The following NDUFV1 variants were observed in gnomAD, a reference collection of about 807,000 sequenced individuals.
NDUFV1 encodes the protein NADH:ubiquinone oxidoreductase core subunit V1, also known as NADH dehydrogenase [ubiquinone] flavoprotein 1, mitochondrial.
In NDUFV1, 41 loss-of-function variants were observed where a neutral mutation model predicts 48.7. That is an observed-to-expected ratio of 0.84 (90% CI 0.66 to 1.09). NDUFV1 has a LOEUF of 1.09. Among genes scored for constraint, NDUFV1 ranks in the 50% least tolerant of loss-of-function variants. The probability of loss-of-function intolerance (pLI) is 0.00; values close to 1 mark genes in which losing one functional copy is unlikely to be tolerated. For missense variants in NDUFV1, 580 were observed against 645.4 expected (o/e 0.90, Z 1.10); for synonymous variants, 231 against 259.1 (o/e 0.89, Z 1.04).
chr11:67,610,345 G>T, intron 4 of NDUFV1, 36 bp from the exon 5 acceptor site: 1 of 1,587,220 alleles, frequency 6.3e-7, no homozygotes, highest in Non-Finnish European at 8.5e-7. Context: ...TCCTGGGCTG[G>T]GGGTGGGCTG....
intron 4 of NDUFV1, chr11:67,609,994 C>T (rs892088188): frequency 2.8e-6 from 1 of 351,850 alleles, no homozygotes; most frequent in Non-Finnish European, 5.2e-6. Context: ...TTGCTTGGAA[C>T]TATGAATAAT....
Position 67,608,571 on chromosome 11 carries a change from C to G in NDUFV1, c.175C>G (p.Arg59Gly). The G allele has an allele frequency of 6.2e-7, 1 of 1,614,134 alleles. No homozygotes were observed. The highest frequency in any genetic ancestry group is 8.5e-7 in the Non-Finnish European group (1 of 1,180,020). Residue 59 changes from arginine (R) to glycine (G), a missense_variant, in exon 3 of 10, where the codon CGA (arginine) becomes GGA (glycine). Physicochemically the swap from Arg to Gly is moderately radical, Grantham distance 125. Transcript: ENST00000322776. Reference sequence around the variant, plus strand: ...GTCCAGGCTGAAAGGTTCCCTGAGTCGAGGTGACTGGTACAAGACAAAGGA... The same window carrying G: ...GTCCAGGCTGAAAGGTTCCCTGAGTGGAGGTGACTGGTACAAGACAAAGGA... ...HDWRLKGSLS[R>G]GDWYKTKEIL...
chr11:67,608,426 C>G lies in NDUFV1; in HGVS notation c.103C>G (p.Leu35Val), dbSNP rs1403615200. The G allele has an allele frequency of 6.2e-7, 1 of 1,614,116 alleles. No homozygotes were observed. The highest frequency in any genetic ancestry group is 8.5e-7 in the Non-Finnish European group (1 of 1,180,016). Residue 35 changes from leucine (L) to valine (V), a missense_variant, in exon 2 of 10, where the codon CTG (leucine) becomes GTG (valine). Leu to Val is a conservative substitution (Grantham distance 32). Coordinates refer to ENST00000322776, the MANE Select transcript of NDUFV1 (RefSeq NM_007103.4). ...TAPKKTSFGS[L>V]KDEDRIFTNL... ...ACCCAAGAAAACCTCATTTGGCTCG[C>G]TGAAGGATGAAGACCGGATTTTCAC...
At chr11:67,607,436 T>C in intron 1 of NDUFV1, 1 of 504,980 alleles carries the variant, frequency 2.0e-6, no homozygotes, top group Non-Finnish European at 3.9e-6. Flanking sequence ...TCCACTGCTC[T>C]GCGCCCTGAA....
Position 67,612,028 on chromosome 11 carries a change from T to G in NDUFV1, c.1162+50T>G, listed in dbSNP as rs965666260. On this transcript the variant is annotated intron_variant, in intron 8 of 9. Transcript: ENST00000322776. This position sits in a 1 kb window ranked among gnomAD's most constrained non-coding sequence, Gnocchi z 4.4. Reference sequence around the variant, plus strand: ...TTGCTTGCTGTGGCTTCATTTAACCTCCTCCCCACCACGTGGCCTGCAGCC... The same window carrying G: ...TTGCTTGCTGTGGCTTCATTTAACCGCCTCCCCACCACGTGGCCTGCAGCC... 24 of 1,613,032 alleles carry G rather than the reference T, an allele frequency of 1.5e-5. No homozygotes were observed. The highest frequency in any genetic ancestry group is 2.0e-5 in the Non-Finnish European group (24 of 1,179,776).
rs766555879 is a variant in NDUFV1 at position 67,611,137 on chromosome 11, T to C, written c.843T>C (p.His281=). 69 of 1,614,226 alleles carry C rather than the reference T, an allele frequency of 4.3e-5. No homozygotes were observed. The East Asian group carries it at 7.8e-4, about 18-fold the overall frequency. ...SGTKLFNISG[H]VNHPCTVEEE... ...CCAAACTATTCAACATCTCTGGCCA[T>C]GTCAACCACCCTTGCACTGTGGAGG... is the stretch of plus-strand genomic sequence containing the variant. The change falls in exon 6 of 10, where the codon CAT becomes CAC. Residue 281 remains histidine (H), a synonymous_variant. Transcript: ENST00000322776. This position sits in a 1 kb window ranked among gnomAD's most constrained non-coding sequence, Gnocchi z 4.2.
Position 67,611,219 on chromosome 11 carries a change from G to T in NDUFV1, c.913+12G>T, listed in dbSNP as rs780648535. ...TGAGAAGCATGCTGGTAAGGCCTGGGGCCAGCCAGGTGGTGGGGGGGTGCG... is the reference window on the plus strand; with the variant it reads ...TGAGAAGCATGCTGGTAAGGCCTGGTGCCAGCCAGGTGGTGGGGGGGTGCG... On this transcript the variant is annotated intron_variant, in intron 6 of 9. Coordinates refer to ENST00000322776, the MANE Select transcript of NDUFV1 (RefSeq NM_007103.4). This position sits in a 1 kb window ranked among gnomAD's most constrained non-coding sequence, Gnocchi z 4.2. 6 of 1,613,666 alleles carry T rather than the reference G, an allele frequency of 3.7e-6. No individual in the cohort carries two copies. The Admixed American group carries it at 8.3e-5, about 22-fold the overall frequency.
At position 67,611,635 on chromosome 11, in the gene NDUFV1, C is replaced by T. The variant is rs762896512; in HGVS notation, c.1080+66C>T. 108 of 1,564,040 alleles carry T rather than the reference C, an allele frequency of 6.9e-5. No individual in the cohort carries two copies. The highest frequency in any genetic ancestry group is 9.0e-5 in the Non-Finnish European group (104 of 1,154,264). On this transcript the variant is annotated intron_variant, in intron 7 of 9. Coordinates refer to ENST00000322776, the MANE Select transcript of NDUFV1 (RefSeq NM_007103.4). The surrounding 1 kb of genome is among the most constrained non-coding windows in gnomAD (Gnocchi z 4.2). ...TTGCTGTCTCCCTCCCTGGGCCTCC[C>T]AGAAAACCCTCTTGCCAGCACTCAG...
In NDUFV1 at chr11:67,610,397, C is replaced by T. The variant is rs1854889328; in HGVS notation, c.527C>T (p.Ala176Val). The T allele has an allele frequency of 1.1e-5, 18 of 1,614,022 alleles. No individual in the cohort carries two copies. The highest frequency in any genetic ancestry group is 1.4e-5 in the Non-Finnish European group (17 of 1,180,042). Residue 176 changes from alanine (A) to valine (V), a missense_variant, in exon 5 of 10, where the codon GCC becomes GTC. By Grantham distance (64) the Ala-to-Val change is moderately conservative (BLOSUM62 0). Coordinates refer to ENST00000322776, the MANE Select transcript of NDUFV1 (RefSeq NM_007103.4). ...ASNLQVAIRE[A>V]YEAGLIGKNA... ...GTCCTGCAGGTGGCCATCCGAGAGG[C>T]CTATGAGGCAGGTCTGATTGGCAAG...
rs556723340 is a variant in NDUFV1, at chr11:67,607,066, G to C, written c.62G>C (p.Ser21Thr). The C allele has an allele frequency of 5.9e-5, 95 of 1,607,380 alleles. No individual in the cohort carries two copies. The South Asian group carries it at 1.0e-3, about 17-fold the overall frequency. The change falls in exon 1 of 10, where the codon AGC (serine) becomes ACC (threonine). Residue 21 changes from serine (S) to threonine (T), a missense_variant. Ser to Thr is a moderately conservative substitution (Grantham distance 58, BLOSUM62 1). Coordinates refer to ENST00000322776, the MANE Select transcript of NDUFV1 (RefSeq NM_007103.4). The part of the protein sequence containing the change: ...SLPARVSVRF[S>T]GDTTAPKKTS... Reference sequence around the variant, plus strand: ...CCCGCGCGGGTATCTGTGCGTTTCAGCGGCGACACGGTGAGGCCCAGCCTG... The same window carrying C: ...CCCGCGCGGGTATCTGTGCGTTTCACCGGCGACACGGTGAGGCCCAGCCTG...
chr11:67,612,409 G>T lies in NDUFV1; in HGVS notation c.1346G>T (p.Arg449Leu), dbSNP rs748986683. 1.9e-6 allele frequency: 3 copies of T among 1,612,690 alleles called. No individual in the cohort carries two copies. Among genetic ancestry groups the T allele is most frequent in the Non-Finnish European group, 2.5e-6 (3 of 1,179,970 alleles). The change falls in exon 10 of 10, where the codon CGG (arginine) becomes CTG (leucine). Residue 449 changes from arginine to leucine, a missense_variant. Physicochemically the swap from Arg to Leu is moderately radical, Grantham distance 102. Coordinates refer to ENST00000322776, the MANE Select transcript of NDUFV1 (RefSeq NM_007103.4). The surrounding 1 kb of genome is among the most constrained non-coding windows in gnomAD (Gnocchi z 4.4). ...IRHFRPELEE[R>L]MQRFAQQHQA... Reference sequence around the variant, plus strand: ...CACTTTCGGCCGGAGCTCGAGGAGCGGATGCAGCGGTTTGCCCAGCAGCAT... The same window carrying T: ...CACTTTCGGCCGGAGCTCGAGGAGCTGATGCAGCGGTTTGCCCAGCAGCAT...
Position 67,607,028 on chromosome 11 carries a change from C to G in NDUFV1, c.24C>G (p.Leu8=). 6.2e-7 allele frequency: 1 copy of G among 1,609,592 alleles called. No individual in the cohort carries two copies. Among genetic ancestry groups the G allele is most frequent in the African/African-American group, 1.3e-5 (1 of 75,014 alleles). Residue 8 remains leucine, a synonymous_variant, in exon 1 of 10, where the codon CTC becomes CTG. Coordinates refer to ENST00000322776, the MANE Select transcript of NDUFV1 (RefSeq NM_007103.4). MLATRRL[L]GWSLPARVSV... ...CGATGCTGGCAACACGGCGGCTGCT[C>G]GGCTGGTCGCTTCCCGCGCGGGTAT...
rs200627507 is a variant in NDUFV1 at position 67,612,144 on chromosome 11, T to C, written c.1187T>C (p.Met396Thr). The change falls in exon 9 of 10, where the codon ATG becomes ACG. Residue 396 changes from methionine to threonine, a missense_variant. Physicochemically the swap from Met to Thr is moderately conservative, Grantham distance 81 (BLOSUM62 -1). Coordinates refer to ENST00000322776, the MANE Select transcript of NDUFV1 (RefSeq NM_007103.4). The surrounding 1 kb of genome is among the most constrained non-coding windows in gnomAD (Gnocchi z 4.4). ...REGVDWMNKV[M>T]ARFVRGDARP... ...GGTGTGGACTGGATGAACAAGGTGATGGCACGTTTCGTGAGGGGGGATGCC... is the reference window on the plus strand; with the variant it reads ...GGTGTGGACTGGATGAACAAGGTGACGGCACGTTTCGTGAGGGGGGATGCC... 12 of 1,613,528 alleles carry C rather than the reference T, an allele frequency of 7.4e-6. No individual in the cohort carries two copies. In the East Asian group the frequency reaches 2.5e-4, roughly 33 times the overall value.
chr11:67,608,355 C>G, intron 1 of NDUFV1, 41 bp from the exon 2 acceptor site: 1 of 1,561,226 alleles, frequency 6.4e-7, no homozygotes, highest in East Asian at 2.2e-5. Context: ...TCCCTCATGG[C>G]CCCAGAGCAC....
chr11:67,610,902 T>A, intron 5 of NDUFV1, 93 bp from the exon 6 acceptor site: 5 of 1,234,184 alleles, frequency 4.1e-6, no homozygotes, highest in Admixed American at 3.4e-5. Flanking sequence ...GCAGGGGCTC[T>A]GCCATGGGTG....
rs1252176653 is a variant in NDUFV1 at position 67,608,288 on chromosome 11, C to T, written c.73-108C>T. 15 of 1,057,680 alleles carry T rather than the reference C, an allele frequency of 1.4e-5. No homozygotes were observed. The Admixed American group carries it at 2.5e-4, about 18-fold the overall frequency. The allele number at this position is 1,057,680 out of a possible 1,614,324, so 65.5% of individuals were successfully genotyped here. A position where few individuals can be genotyped will look rare whatever the true frequency, so the allele number is the denominator to read the frequency against. Reference sequence around the variant, plus strand: ...TATGATGCTATAGATGCTTCCCTAGCCCTAGCCCAGCCCCTCCTAAATAGG... The same window carrying T: ...TATGATGCTATAGATGCTTCCCTAGTCCTAGCCCAGCCCCTCCTAAATAGG... On this transcript the variant is annotated intron_variant, in intron 1 of 9. Coordinates refer to ENST00000322776, the MANE Select transcript of NDUFV1 (RefSeq NM_007103.4).
chr11:67,609,376 G>A (rs1177733962), intron 3 of NDUFV1, 76 bp from the exon 4 acceptor site: 4 of 1,482,062 alleles, frequency 2.7e-6, no homozygotes, highest in Non-Finnish European at 3.7e-6. Context: ...GCCTCCCTGG[G>A]TGGAGTGGGG....
rs1017568916 is a variant in NDUFV1 at position 67,610,845 on chromosome 11, T to A, written c.701-150T>A. 4.8e-6 allele frequency: 4 copies of A among 826,760 alleles called. No homozygotes were observed. In the Admixed American group the frequency reaches 6.3e-5, roughly 13 times the overall value. The allele number at this position is 826,760 out of a possible 1,614,324, so 51.2% of individuals were successfully genotyped here. ...GGGTGAACAAGGCAATGGGCATCTCTGGAGTTTGGGGTCCAGCAGGGATAA... is the reference window on the plus strand; with the variant it reads ...GGGTGAACAAGGCAATGGGCATCTCAGGAGTTTGGGGTCCAGCAGGGATAA... On this transcript the variant is annotated intron_variant, in intron 5 of 9. Transcript: ENST00000322776.
At position 67,610,465 on chromosome 11, in the gene NDUFV1, C is replaced by T. The variant is rs201289242; in HGVS notation, c.595C>T (p.Arg199Cys). 2.4e-4 allele frequency: 386 copies of T among 1,614,156 alleles called. 2 individuals are homozygous for T. Among genetic ancestry groups the T allele is most frequent in the Admixed American group, 1.2e-4 (7 of 60,028 alleles). ...CTATGATTTTGACGTGTTTGTGGTG[C>T]GCGGGGCTGGGGCCTACATCTGTGG... ...SGYDFDVFVV[R>C]GAGAYICGEE... Residue 199 changes from arginine to cysteine, a missense_variant, in exon 5 of 10, where the codon CGC becomes TGC. Arg to Cys is a radical substitution (Grantham distance 180). Coordinates refer to ENST00000322776, the MANE Select transcript of NDUFV1 (RefSeq NM_007103.4).
Sources: gnomAD v4.1 joint callset for allele counts on GRCh38, gnomAD v4.1.1 for gene constraint, Gnocchi (gnomAD v3.1) non-coding constraint, MANE v1.5 for transcripts, NCBI Gene and HGNC (gene_info 2026-07-23, HGNC 2026-07-21) for gene names.